TAS2R1: variants seen among roughly 807,000 people sequenced by gnomAD.
The protein encoded by TAS2R1 is taste 2 receptor member 1, also known as taste receptor type 2 member 1.
For synonymous variants in TAS2R1, 141 were observed against 134.2 expected (o/e 1.05, Z -0.35); for missense variants, 370 against 353.4 (o/e 1.05, Z -0.38).
chr5:9,850,165 C>G, the TAS2R1 span, among the ~76,000 whole-genome samples: 1 of 152,174 alleles, frequency 6.6e-6, no homozygotes, highest in Non-Finnish European at 1.5e-5. Flanking sequence ...TGAACATCCT[C>G]TTCCCTCCTC....
chr5:9,853,465 C>A, the TAS2R1 span, among the ~76,000 whole-genome samples: 1 of 152,218 alleles, frequency 6.6e-6, no homozygotes, highest in South Asian at 2.1e-4. Context: ...GGGGCAGTAA[C>A]TTCCAGGTGT....
At position 9,629,912 on chromosome 5, in the gene TAS2R1, T is replaced by A. The variant is rs757147182; in HGVS notation, c.121A>T (p.Met41Leu). 6.2e-7 allele frequency: 1 copy of A among 1,613,956 alleles called. No homozygotes were observed. The highest frequency in any genetic ancestry group is 8.5e-7 in the Non-Finnish European group (1 of 1,179,996). The change falls in exon 1 of 1, where the codon ATG (methionine) becomes TTG (leucine). Residue 41 changes from methionine to leucine, a missense_variant. By Grantham distance (15) the Met-to-Leu change is conservative (BLOSUM62 2). Coordinates refer to ENST00000382492, the MANE Select transcript of TAS2R1 (RefSeq NM_019599.3). Reference protein sequence around the residue: ...NGIDLIKHRKMAPLDLLLSCL... With the variant: ...NGIDLIKHRKLAPLDLLLSCL... ...GAAAGAAGGAGATCCAGCGGAGCCA[T>A]TTTTCTGTGCTTGATCAAGTCAATG...
chr5:9,639,970 A>G (rs1462153102), intron 2 of TAS2R1, among the ~76,000 whole-genome samples: 2 of 152,200 alleles, frequency 1.3e-5, no homozygotes, highest in African/African-American at 2.4e-5. Context: ...TCACTGGGGT[A>G]GCACTTTTAA....
At chr5:9,694,844 A>G (rs116498528) in intron 1 of TAS2R1, among the ~76,000 whole-genome samples, 1,757 of 152,352 alleles carry the variant, frequency 0.012, 38 homozygotes, top group African/African-American at 0.04. Flanking sequence ...CTCTTTCTGT[A>G]GAATTCACCA....
At chr5:9,687,750 C>A (rs1199125738) in intron 1 of TAS2R1, among the ~76,000 whole-genome samples, 1 of 152,214 alleles carries the variant, frequency 6.6e-6, no homozygotes, top group Non-Finnish European at 1.5e-5. Context: ...TTCAAAGCCA[C>A]TGTATGTTCT....
At chr5:9,817,850 T>C in the TAS2R1 span, among the ~76,000 whole-genome samples, 2 of 147,904 alleles carry the variant, frequency 1.4e-5, no homozygotes, top group African/African-American at 2.5e-5. Context: ...AGCCTTGTCT[T>C]ACATGGAGGC....
At chr5:9,853,082 A>G in the TAS2R1 span, among the ~76,000 whole-genome samples, 1 of 152,236 alleles carries the variant, frequency 6.6e-6, no homozygotes, top group Non-Finnish European at 1.5e-5. Context: ...TGCCTCTCCC[A>G]GTCCATGTAA....
At chr5:9,892,363 T>A in the TAS2R1 span, among the ~76,000 whole-genome samples, 10 of 152,238 alleles carry the variant, frequency 6.6e-5, no homozygotes, top group Non-Finnish European at 1.5e-5. Context: ...TTTGTAGAAC[T>A]CTTGCCCCCA....
the TAS2R1 span, among the ~76,000 whole-genome samples, chr5:9,775,038 C>G: frequency 6.6e-6 from 1 of 152,250 alleles, no homozygotes; most frequent in Non-Finnish European, 1.5e-5. Context: ...ACCTCAGTCT[C>G]AGGCAGGTCC....
At position 9,668,838 on chromosome 5, in the gene TAS2R1, A is replaced by T. The variant is rs1421331210; in HGVS notation, c.-241-9257T>A. 2.0e-5 allele frequency among the ~76,000 whole-genome samples: 3 copies of T among 148,574 alleles called. No individual in the cohort carries two copies. In the Admixed American group the frequency reaches 2.0e-4, roughly 10 times the overall value. On this transcript the variant is annotated intron_variant, in intron 1 of 2. Coordinates refer to the TAS2R1 transcript ENST00000506620. The stretch of plus-strand genomic sequence containing the variant: ...AAGTACAAAGACCATCAGCACTATT[A>T]AAAAAAAAACCACACAATCAAGTCT...
intron 1 of TAS2R1, among the ~76,000 whole-genome samples, chr5:9,669,909 C>A (rs1347332370): frequency 6.6e-6 from 1 of 151,892 alleles, no homozygotes; most frequent in Non-Finnish European, 1.5e-5. Context: ...AAAAGCAAAA[C>A]TGAACTGAAG....
chr5:9,901,846 T>C, the TAS2R1 span, among the ~76,000 whole-genome samples: 10 of 152,194 alleles, frequency 6.6e-5, 2 homozygotes, highest in East Asian at 1.9e-4. Flanking sequence ...ATATAATAAA[T>C]TGTCCTTCAC....
the TAS2R1 span, among the ~76,000 whole-genome samples, chr5:9,833,932 T>C: frequency 6.6e-6 from 1 of 152,184 alleles, no homozygotes; most frequent in Non-Finnish European, 1.5e-5. Flanking sequence ...GAGGCATCAG[T>C]GTTGGCTTCT....
At position 9,688,491 on chromosome 5, in the gene TAS2R1, C is replaced by T. The variant is rs139367262; in HGVS notation, c.-242+23681G>A. On this transcript the variant is annotated intron_variant, in intron 1 of 2. Coordinates refer to the TAS2R1 transcript ENST00000506620. The stretch of plus-strand genomic sequence containing the variant: ...CCTCCTCATCCCTGTCTGGGTGAGA[C>T]AGCCCCATAGGAGCTGGTAGACTTG... 5.9e-3 allele frequency among the ~76,000 whole-genome samples: 895 copies of T among 152,274 alleles called. 6 individuals are homozygous for T. The highest frequency in any genetic ancestry group is 0.02 in the African/African-American group (848 of 41,556).
intron 2 of TAS2R1, among the ~76,000 whole-genome samples, chr5:9,653,049 C>T (rs907802994): frequency 1.3e-5 from 2 of 152,160 alleles, no homozygotes; most frequent in Non-Finnish European, 1.5e-5. Flanking sequence ...ATTTCCTACT[C>T]CCCACCCCAA....
chr5:9,852,964 T>A, the TAS2R1 span, among the ~76,000 whole-genome samples: 1 of 152,212 alleles, frequency 6.6e-6, no homozygotes, highest in African/African-American at 2.4e-5. Flanking sequence ...CTAGTTAGTA[T>A]AGAAAATGTT....
At chr5:9,753,808 G>T in the TAS2R1 span, among the ~76,000 whole-genome samples, 1 of 152,132 alleles carries the variant, frequency 6.6e-6, no homozygotes, top group Admixed American at 6.5e-5. Context: ...ATAGGGAATC[G>T]TTTCTCCATT....
the TAS2R1 span, chr5:9,760,897 A>G: frequency 6.6e-6 from 1 of 152,176 alleles, no homozygotes; most frequent in Non-Finnish European, 1.5e-5. Context: ...AAAGAAAGAA[A>G]ACCCTCTTCG....
chr5:9,663,630 C>T (rs567000981), intron 1 of TAS2R1, among the ~76,000 whole-genome samples: 35 of 152,210 alleles, frequency 2.3e-4, no homozygotes, highest in Non-Finnish European at 4.4e-4. Context: ...TAGTATCCCA[C>T]ATTTATAAAG....
Sources: allele counts gnomAD v4.1 joint callset (sites outside exome capture counted in the v4.1 genomes callset), GRCh38; gene constraint gnomAD v4.1.1; transcripts MANE v1.5; gene names NCBI Gene and HGNC (gene_info 2026-07-23, HGNC 2026-07-21).